The following CFTR variants were observed in gnomAD, a reference collection of about 807,000 sequenced individuals.
CFTR encodes cystic fibrosis transmembrane conductance regulator.
In CFTR, 181 loss-of-function variants were observed where a neutral mutation model predicts 171.6. The ratio of observed to expected loss-of-function variants is 1.05; its 90% CI spans 0.93 to 1.19. CFTR has a LOEUF of 1.19. Among genes scored for constraint, CFTR ranks in the 50% most tolerant of loss-of-function variants. The pLI is 0.00. For missense variants in CFTR, 1,968 were observed against 1,734.7 expected (o/e 1.13, Z -2.39); for synonymous variants, 583 against 608.0 (o/e 0.96, Z 0.60).
intron 11 of CFTR, among the ~76,000 whole-genome samples, chr7:117,563,561 T>C (rs552633158): frequency 6.6e-6 from 1 of 152,140 alleles, no homozygotes; most frequent in South Asian, 2.1e-4. Context: ...ACTCCATGCA[T>C]AAGAGAAACT....
intron 10 of CFTR, among the ~76,000 whole-genome samples, chr7:117,556,494 GTTTTATTTGTTTCATTTCTTT>G (rs1799358416): frequency 8.1e-6 from 1 of 123,542 alleles, no homozygotes; most frequent in Non-Finnish European, 1.8e-5. Context: ...TTTTCTCTAT[GTTTTATTTGTTTCATTTCTTT>G]TTTTTTTTTT....
At chr7:117,531,224 T>G in intron 4 of CFTR, 110 bp downstream of exon 4, 1 of 759,712 alleles carries the variant, frequency 1.3e-6, no homozygotes, top group East Asian at 2.7e-5. Flanking sequence ...ATGCTGAAAT[T>G]AATTTAATAT....
chr7:117,568,213 G>A (rs1031798508), intron 11 of CFTR, among the ~76,000 whole-genome samples: 1 of 152,118 alleles, frequency 6.6e-6, no homozygotes, highest in African/African-American at 2.4e-5. Context: ...ATCTGAATTG[G>A]GAGAGGACAG....
rs746418935 is a variant in CFTR at position 117,592,340 on chromosome 7, G to GA, written c.2175dup (p.Glu726ArgfsTer4). On this transcript the variant is annotated frameshift_variant, in exon 14 of 27. Coordinates refer to ENST00000003084, the MANE Select transcript of CFTR (RefSeq NM_000492.4). LOFTEE classifies it high-confidence loss of function. ...GACTCCCTTACAAATGAATGGCATC[G>GA]AAGAGGATTCTGATGAGCCTTTAGA... The GA allele has an allele frequency of 8.7e-6, 14 of 1,613,944 alleles. No homozygotes were observed. In the African/African-American group the frequency reaches 1.9e-4, roughly 22 times the overall value.
chr7:117,544,427 A>G (rs1199085414), intron 9 of CFTR, among the ~76,000 whole-genome samples: 1 of 152,050 alleles, frequency 6.6e-6, no homozygotes, highest in Non-Finnish European at 1.5e-5. Context: ...GGATCTGTTC[A>G]CCCCCAGTAG....
chr7:117,602,886 T>A (rs372460418), intron 16 of CFTR, 23 bp downstream of exon 16: 13 of 1,595,252 alleles, frequency 8.1e-6, no homozygotes, highest in African/African-American at 4.0e-5. Context: ...TGTCCTATTG[T>A]GTAGATTGTG....
In CFTR at chr7:117,611,475, T is replaced by A. The variant is rs1451582207; in HGVS notation, c.3140-106T>A. 9 of 760,488 alleles carry A rather than the reference T, an allele frequency of 1.2e-5. No individual in the cohort carries two copies. In the East Asian group the frequency reaches 2.4e-4, roughly 20 times the overall value. The allele number at this position is 760,488 out of a possible 1,614,324, so 47.1% of individuals were successfully genotyped here. A position where few individuals can be genotyped will look rare whatever the true frequency, so the allele number is the denominator to read the frequency against. ...AAAAAAGCTTTTTAACCAATGACATTTGTGATATGATTATTCTAATTTAGT... is the reference window on the plus strand; with the variant it reads ...AAAAAAGCTTTTTAACCAATGACATATGTGATATGATTATTCTAATTTAGT... On this transcript the variant is annotated intron_variant, in intron 19 of 26. Coordinates refer to ENST00000003084, the MANE Select transcript of CFTR (RefSeq NM_000492.4).
At chr7:117,619,053 T>A (rs527360850) in intron 21 of CFTR, among the ~76,000 whole-genome samples, 1 of 152,330 alleles carries the variant, frequency 6.6e-6, no homozygotes, top group African/African-American at 2.4e-5. Context: ...TACCATTCTA[T>A]AGATGGGGTG....
rs1554389245 is a variant in CFTR, at chr7:117,591,948, T to A, written c.1781T>A (p.Leu594Gln). ...KEIFESCVCK[L>Q]MANKTRILVT... ...ATATCTTAAAGCTGTGTCTGTAAACTGATGGCTAACAAAACTAGGATTTTG... is the reference window on the plus strand; with the variant it reads ...ATATCTTAAAGCTGTGTCTGTAAACAGATGGCTAACAAAACTAGGATTTTG... Residue 594 changes from leucine to glutamine, a missense_variant, in exon 14 of 27, where the codon CTG becomes CAG. Transcript: ENST00000003084. 1 of 1,584,386 alleles carries A rather than the reference T, an allele frequency of 6.3e-7. No individual in the cohort carries two copies. The highest frequency in any genetic ancestry group is 1.4e-5 in the African/African-American group (1 of 73,322).
intron 3 of CFTR, among the ~76,000 whole-genome samples, chr7:117,520,758 A>T (rs1798672756): frequency 6.6e-6 from 1 of 151,994 alleles, no homozygotes. Flanking sequence ...AATGAAATTT[A>T]TAATCATTTT....
At chr7:117,483,854 G>A (rs1027029704) in intron 1 of CFTR, among the ~76,000 whole-genome samples, 2 of 152,020 alleles carry the variant, frequency 1.3e-5, no homozygotes, top group African/African-American at 4.8e-5. Context: ...GATTACAGGC[G>A]TAAGCCACCT....
At chr7:117,606,974 A>AT (rs1792309807) in intron 18 of CFTR, among the ~76,000 whole-genome samples, 2 of 152,146 alleles carry the variant, frequency 1.3e-5, no homozygotes, top group South Asian at 4.1e-4. Flanking sequence ...GCAATCCCAC[A>AT]TTTAGATGTA....
At chr7:117,661,994 A>C (rs1481485018) in intron 24 of CFTR, among the ~76,000 whole-genome samples, 1 of 151,718 alleles carries the variant, frequency 6.6e-6, no homozygotes, top group Non-Finnish European at 1.5e-5. Context: ...AAAAAAAAAA[A>C]AAAAAAAAAA....
At position 117,548,942 on chromosome 7, in the gene CFTR, T is replaced by C; in HGVS notation, c.1392+119T>C. 3.6e-6 allele frequency: 5 copies of C among 1,387,964 alleles called. No homozygotes were observed. The South Asian group carries it at 5.2e-5, about 15-fold the overall frequency. 86.0% of individuals were successfully genotyped at this position (1,387,964 alleles called of 1,614,324 possible). ...AATTCTTACATGAGCATTAGGAGAATGTATGGGTGTAGTGTCTTGTATAAT... is the reference window on the plus strand; with the variant it reads ...AATTCTTACATGAGCATTAGGAGAACGTATGGGTGTAGTGTCTTGTATAAT... On this transcript the variant is annotated intron_variant, in intron 10 of 26. Transcript: ENST00000003084.
chr7:117,637,606 G>T (rs1489889500), intron 22 of CFTR, among the ~76,000 whole-genome samples: 1 of 152,116 alleles, frequency 6.6e-6, no homozygotes, highest in Admixed American at 6.5e-5. Context: ...GCCAGGTGCG[G>T]TGGCTCACGC....
chr7:117,610,395 TAAAAA>T (rs983009951), intron 18 of CFTR, 119 bp from the exon 19 acceptor site: 1 of 778,686 alleles, frequency 1.3e-6, no homozygotes, highest in Non-Finnish European at 2.1e-6. Flanking sequence ...ATAAAAAAAA[TAAAAA>T]AAAGTTTGAG....
intron 1 of CFTR, among the ~76,000 whole-genome samples, chr7:117,488,463 A>G (rs1798107338): frequency 6.6e-6 from 1 of 152,070 alleles, no homozygotes; most frequent in South Asian, 2.1e-4. Context: ...TTATTAGATT[A>G]TTGTCCAGAA....
intron 1 of CFTR, among the ~76,000 whole-genome samples, chr7:117,497,927 A>G (rs908485350): frequency 1.1e-4 from 16 of 152,116 alleles, no homozygotes; most frequent in African/African-American, 3.9e-4. Flanking sequence ...ATTAGAGAAT[A>G]TAGAGAAGCA....
intron 14 of CFTR, 46 bp downstream of exon 14, chr7:117,592,703 T>C: frequency 6.9e-7 from 1 of 1,454,082 alleles, no homozygotes. Flanking sequence ...AGAATGCAAT[T>C]GAGTAGAATG....
Sources: gnomAD v4.1 joint callset for allele counts (sites outside exome capture counted in the v4.1 genomes callset) on GRCh38, gnomAD v4.1.1 for gene constraint, MANE v1.5 for transcripts, NCBI Gene and HGNC (gene_info 2026-07-23, HGNC 2026-07-21) for gene names.